NEDD4L: variants seen among roughly 807,000 people sequenced by gnomAD.
NEDD4L encodes E3 ubiquitin-protein ligase NEDD4-like.
NEDD4L carries 54 observed loss-of-function variants against 148.9 expected under a neutral mutation model. That is an observed-to-expected ratio of 0.36 (90% CI 0.29 to 0.45). The LOEUF is 0.45. NEDD4L is among the 20% of genes least tolerant of loss of function. The probability of loss-of-function intolerance (pLI) is 1.00; values close to 1 mark genes in which losing one functional copy is unlikely to be tolerated. For missense variants in NEDD4L, 856 were observed against 1,233.8 expected, an observed-to-expected ratio of 0.69 and a Z score of 4.59; for synonymous variants, 433 against 440.7, an observed-to-expected ratio of 0.98 and a Z score of 0.22.
intron 1 of NEDD4L, among the ~76,000 whole-genome samples, chr18:58,077,890 AC>A (rs1469365939): frequency 1.3e-5 from 2 of 152,142 alleles, no homozygotes; most frequent in Non-Finnish European, 2.9e-5. Context: ...TGGTTATCAC[AC>A]CAGGGGGCAT....
intron 2 of NEDD4L, among the ~76,000 whole-genome samples, chr18:58,232,557 C>T (rs913739283): frequency 2.0e-5 from 3 of 152,298 alleles, no homozygotes; most frequent in Middle Eastern, 3.4e-3. Context: ...TGGGTACCTG[C>T]CGTAATTGAT....
At position 58,256,639 on chromosome 18, in the gene NEDD4L, AT is replaced by A; in HGVS notation, c.297+4588del. On this transcript the variant is annotated intron_variant, in intron 5 of 30. Coordinates refer to ENST00000400345, the MANE Select transcript of NEDD4L (RefSeq NM_001144967.3). This position sits in a 1 kb window ranked among gnomAD's most constrained non-coding sequence, Gnocchi z 5.2. Reference sequence around the variant, plus strand: ...GGACTCCGCAGGGCCAGGGGTGCACATTTAAGATCAGGCAGGATCAGAACGC... The same window carrying A: ...GGACTCCGCAGGGCCAGGGGTGCACATTAAGATCAGGCAGGATCAGAACGC... 1 of 1,232,200 alleles carries A rather than the reference AT, an allele frequency of 8.1e-7. No homozygotes were observed. Among genetic ancestry groups the A allele is most frequent in the Non-Finnish European group, 1.0e-6 (1 of 988,002 alleles). The allele number at this position is 1,232,200 out of a possible 1,614,324, so 76.3% of individuals were successfully genotyped here. A position where few individuals can be genotyped will look rare whatever the true frequency, so the allele number is the denominator to read the frequency against.
At chr18:58,152,935 T>C (rs1386876952) in intron 1 of NEDD4L, among the ~76,000 whole-genome samples, 2 of 152,192 alleles carry the variant, frequency 1.3e-5, no homozygotes, top group African/African-American at 4.8e-5. Context: ...GGAAATCTCA[T>C]GACAGGCATC....
chr18:58,059,175 C>T (rs2082216754), intron 1 of NEDD4L, among the ~76,000 whole-genome samples: 1 of 152,122 alleles, frequency 6.6e-6, no homozygotes, highest in Admixed American at 6.5e-5. Context: ...CGGTTTCTCC[C>T]ACCTTGGTTT....
Position 58,316,484 on chromosome 18 carries a change from G to C in NEDD4L, c.348+452G>C, listed in dbSNP as rs1422197878. On this transcript the variant is annotated intron_variant, in intron 6 of 30. Transcript: ENST00000400345. ...ACACAAACTATAATAGCATTTCCCA[G>C]ATTTTGGTGTCTGGCTTTCTCAGTC... Among the ~76,000 whole-genome samples the C allele has an allele frequency of 3.3e-5, 5 of 152,180 alleles. No homozygotes were observed. In the East Asian group the frequency reaches 9.6e-4, roughly 29 times the overall value.
chr18:58,196,078 T>C (rs2040655854), intron 2 of NEDD4L, among the ~76,000 whole-genome samples: 1 of 152,222 alleles, frequency 6.6e-6, no homozygotes, highest in African/African-American at 2.4e-5. Flanking sequence ...TTGTCATCAC[T>C]GTGTTCCTGA....
intron 2 of NEDD4L, among the ~76,000 whole-genome samples, chr18:58,174,429 C>T (rs1456876436): frequency 6.6e-6 from 1 of 152,048 alleles, no homozygotes; most frequent in African/African-American, 2.4e-5. Context: ...GTTTTTGGCT[C>T]GAAGGTGGGG....
chr18:58,364,196 A>G (rs1044925378), intron 19 of NEDD4L, 72 bp from the exon 20 acceptor site: 1 of 853,938 alleles, frequency 1.2e-6, no homozygotes, highest in African/African-American at 1.7e-5. Context: ...ATTCTCTTGA[A>G]TGTTGCCTCA....
At chr18:58,132,661 A>G (rs112989020) in intron 1 of NEDD4L, among the ~76,000 whole-genome samples, 1 of 152,214 alleles carries the variant, frequency 6.6e-6, no homozygotes, top group African/African-American at 2.4e-5. Context: ...ATGCTTGGCA[A>G]ATGGTAGGGG....
intron 1 of NEDD4L, among the ~76,000 whole-genome samples, chr18:58,061,209 C>T (rs1164919469): frequency 3.3e-5 from 5 of 152,188 alleles, no homozygotes; most frequent in Admixed American, 3.3e-4. Flanking sequence ...TTGAGAAACC[C>T]TGCTGTAGTG....
intron 1 of NEDD4L, among the ~76,000 whole-genome samples, chr18:58,075,632 G>T (rs1266546142): frequency 5.9e-5 from 9 of 152,086 alleles, no homozygotes; most frequent in African/African-American, 1.9e-4. Context: ...ACTTTTAAGA[G>T]TATTTTTTTC....
intron 1 of NEDD4L, among the ~76,000 whole-genome samples, chr18:58,163,311 G>A (rs1482843237): frequency 1.3e-5 from 2 of 152,208 alleles, no homozygotes; most frequent in Non-Finnish European, 2.9e-5. Context: ...CAAATGATTA[G>A]CAGTAGGGTA....
intron 5 of NEDD4L, among the ~76,000 whole-genome samples, chr18:58,273,680 G>C (rs569732605): frequency 3.3e-5 from 5 of 152,172 alleles, no homozygotes; most frequent in Non-Finnish European, 7.3e-5. Flanking sequence ...TTGACAATTT[G>C]GTGTTGTAGA....
intron 2 of NEDD4L, among the ~76,000 whole-genome samples, chr18:58,203,941 C>T (rs1328072089): frequency 6.6e-6 from 1 of 152,052 alleles, no homozygotes; most frequent in Non-Finnish European, 1.5e-5. Flanking sequence ...CAGTTCAATC[C>T]AACTGCTGTG....
At chr18:58,200,062 T>C (rs1035403232) in intron 2 of NEDD4L, among the ~76,000 whole-genome samples, 4 of 152,232 alleles carry the variant, frequency 2.6e-5, no homozygotes, top group African/African-American at 9.6e-5. Context: ...TTAACAGATA[T>C]AGTAGTCAAT....
chr18:58,065,826 A>G (rs374797818), intron 1 of NEDD4L, among the ~76,000 whole-genome samples: 1 of 152,226 alleles, frequency 6.6e-6, no homozygotes, highest in Non-Finnish European at 1.5e-5. Flanking sequence ...TTCCCTGGGA[A>G]AAAACGTGTT....
intron 5 of NEDD4L, among the ~76,000 whole-genome samples, chr18:58,290,950 C>A (rs1049598554): frequency 5.9e-5 from 9 of 152,184 alleles, no homozygotes; most frequent in African/African-American, 2.2e-4. Flanking sequence ...TTCACACTAC[C>A]CGTCAACATA....
In NEDD4L at chr18:58,365,405, G is replaced by A. The variant is rs139613161; in HGVS notation, c.1834-594G>A. ...CTTACAGCCAGACCAAGCCTGGACCGCCTCTTTGCAGGAGGCAGTTGCCAC... is the reference window on the plus strand; with the variant it reads ...CTTACAGCCAGACCAAGCCTGGACCACCTCTTTGCAGGAGGCAGTTGCCAC... On this transcript the variant is annotated intron_variant, in intron 20 of 30. Coordinates refer to ENST00000400345, the MANE Select transcript of NEDD4L (RefSeq NM_001144967.3). 3.3e-4 allele frequency among the ~76,000 whole-genome samples: 51 copies of A among 152,300 alleles called. 2 individuals carry two copies. Among genetic ancestry groups the A allele is most frequent in the South Asian group, 1.2e-3 (6 of 4,826 alleles).
intron 24 of NEDD4L, among the ~76,000 whole-genome samples, chr18:58,379,924 C>A (rs1243339951): frequency 6.6e-6 from 1 of 151,928 alleles, no homozygotes; most frequent in Non-Finnish European, 1.5e-5. Context: ...ATCCTGTGCC[C>A]ATCCTTGGGC....
Sources: gnomAD v4.1 joint callset for allele counts (sites outside exome capture counted in the v4.1 genomes callset) on GRCh38, gnomAD v4.1.1 for gene constraint, Gnocchi (gnomAD v3.1) non-coding constraint, MANE v1.5 for transcripts, NCBI Gene and HGNC (gene_info 2026-07-23, HGNC 2026-07-21) for gene names.